The following MXI1 variants were observed in gnomAD, a reference collection of about 807,000 sequenced individuals.
MXI1 encodes MAX interactor 1, dimerization protein.
MXI1 carries 18 observed loss-of-function variants against 36.9 expected under a neutral mutation model. The ratio of observed to expected loss-of-function variants is 0.49; its 90% CI spans 0.34 to 0.72. MXI1 has a LOEUF of 0.72. Ranked by LOEUF, MXI1 falls within the 30% of genes least tolerant of loss-of-function variation. MXI1 has a pLI of 0.01. For missense variants in MXI1, 304 were observed against 379.1 expected (o/e 0.80, Z 1.64); for synonymous variants, 160 against 146.7 (o/e 1.09, Z -0.65).
At chr10:110,272,764 GATT>G (rs1435048910) in intron 3 of MXI1, among the ~76,000 whole-genome samples, 1 of 146,512 alleles carries the variant, frequency 6.8e-6, no homozygotes, top group Non-Finnish European at 1.5e-5. Flanking sequence ...ATTTCTATTT[GATT>G]ATTTTATAAG....
intron 2 of MXI1, among the ~76,000 whole-genome samples, chr10:110,238,135 C>T (rs1855537058): frequency 1.3e-5 from 2 of 152,148 alleles, no homozygotes; most frequent in Admixed American, 1.3e-4. Context: ...GTTTCAGGTT[C>T]CAGAGTTTTT....
intron 1 of MXI1, chr10:110,208,607 G>C (rs1345110409): frequency 6.6e-6 from 1 of 152,344 alleles, no homozygotes; most frequent in Non-Finnish European, 1.5e-5. Context: ...TCCACGGCGT[G>C]GGCTCGGCTC....
intron 3 of MXI1, among the ~76,000 whole-genome samples, chr10:110,273,336 C>A (rs1173286323): frequency 6.6e-6 from 1 of 152,088 alleles, no homozygotes; most frequent in Non-Finnish European, 1.5e-5. Flanking sequence ...CATGAGCCAC[C>A]GTGCCTGGCC....
chr10:110,272,064 T>C (rs1856872581), intron 3 of MXI1, among the ~76,000 whole-genome samples: 1 of 152,182 alleles, frequency 6.6e-6, no homozygotes, highest in African/African-American at 2.4e-5. Flanking sequence ...TCCATAGTGA[T>C]GTGTTGTGAT....
At chr10:110,227,329 C>A in intron 1 of MXI1, 2 of 952,200 alleles carry the variant, frequency 2.1e-6, no homozygotes, top group Non-Finnish European at 2.4e-6. Context: ...GGCGCGCGTG[C>A]GTGGGGAGGT....
intron 3 of MXI1, among the ~76,000 whole-genome samples, chr10:110,277,747 C>G (rs1356606456): frequency 6.6e-6 from 1 of 152,178 alleles, no homozygotes. Context: ...ACTGTCAGAC[C>G]TTTAACTATA....
chr10:110,282,833 A>T (rs35212840), intron 5 of MXI1, among the ~76,000 whole-genome samples: 20,696 of 152,000 alleles, frequency 0.14, 1,679 homozygotes, highest in South Asian at 0.19. Flanking sequence ...TTTTTAAAAA[A>T]TTTTTTTAAA....
chr10:110,282,169 T>G (rs1857273765), intron 5 of MXI1, among the ~76,000 whole-genome samples: 1 of 152,168 alleles, frequency 6.6e-6, no homozygotes, highest in African/African-American at 2.4e-5. Context: ...CAAGTTTTGG[T>G]TTTACTATTT....
intron 1 of MXI1, among the ~76,000 whole-genome samples, chr10:110,222,684 T>C (rs1159784250): frequency 2.0e-5 from 3 of 152,226 alleles, no homozygotes; most frequent in African/African-American, 7.2e-5. Context: ...CAGGTTCTTA[T>C]GTCAGTAGAC....
intron 1 of MXI1, chr10:110,226,183 G>A: frequency 1.4e-6 from 2 of 1,465,292 alleles, no homozygotes; most frequent in South Asian, 1.3e-5. Flanking sequence ...GGAGTGCGGA[G>A]AGGCGCCGGT....
chr10:110,283,720 CAT>C (rs1339426014), intron 5 of MXI1, among the ~76,000 whole-genome samples: 1 of 151,908 alleles, frequency 6.6e-6, no homozygotes, highest in East Asian at 1.9e-4. Context: ...TTGTTTTTAA[CAT>C]GTGTATTGAT....
chr10:110,250,237 T>TA (rs1856028301), intron 3 of MXI1, among the ~76,000 whole-genome samples: 1 of 152,166 alleles, frequency 6.6e-6, no homozygotes, highest in East Asian at 1.9e-4. Context: ...GAGCATTTGT[T>TA]ACCTATGTAC....
chr10:110,217,134 C>G (rs536628974), intron 1 of MXI1, among the ~76,000 whole-genome samples: 1 of 152,136 alleles, frequency 6.6e-6, no homozygotes, highest in South Asian at 2.1e-4. Flanking sequence ...ATTGTCCACA[C>G]CAGCATTCCT....
In MXI1 at chr10:110,231,975, G is replaced by GTT. The variant is rs199767400; in HGVS notation, c.407+3664_407+3665dup. Among the ~76,000 whole-genome samples, 108 of 147,340 alleles carry GTT rather than the reference G, an allele frequency of 7.3e-4. 1 individual carries two copies. Among genetic ancestry groups the GTT allele is most frequent in the East Asian group, 7.1e-3 (36 of 5,082 alleles). ...CCTACCTGGTGTCCCTGCAACTACA[G>GTT]TTTTTTTTTTTGTCTGGTTCTGTTG... On this transcript the variant is annotated intron_variant, in intron 2 of 5. Transcript: ENST00000332674.
rs182028327 is a variant in MXI1, at chr10:110,277,302, C to G, written c.438-1878C>G. ...GTTTTTTAGAAGACTGAATTTAAAG[C>G]AGGATTGTCTATTAGTGTAGCTGCC... On this transcript the variant is annotated intron_variant, in intron 3 of 5. Transcript: ENST00000332674. Among the ~76,000 whole-genome samples, 10 of 152,296 alleles carry G rather than the reference C, an allele frequency of 6.6e-5. No homozygotes were observed. In the East Asian group the frequency reaches 1.9e-3, roughly 29 times the overall value.
chr10:110,208,753 C>G (rs1309572672), intron 1 of MXI1, among the ~76,000 whole-genome samples: 1 of 145,358 alleles, frequency 6.9e-6, no homozygotes, highest in African/African-American at 2.6e-5. Context: ...CCCCCCCCCC[C>G]AAAGAAGGAG....
chr10:110,277,271 TG>T (rs1857068161), intron 3 of MXI1, among the ~76,000 whole-genome samples: 1 of 152,252 alleles, frequency 6.6e-6, no homozygotes, highest in Admixed American at 6.5e-5. Context: ...CTAGTTGCTT[TG>T]TTGAGTTTTT....
At chr10:110,282,695 G>A (rs1857298570) in intron 5 of MXI1, among the ~76,000 whole-genome samples, 2 of 151,868 alleles carry the variant, frequency 1.3e-5, no homozygotes, top group South Asian at 4.2e-4. Flanking sequence ...TACTTTAGCG[G>A]TACCTTACCA....
intron 1 of MXI1, among the ~76,000 whole-genome samples, chr10:110,210,878 G>T (rs1175919507): frequency 6.6e-6 from 1 of 152,220 alleles, no homozygotes; most frequent in African/African-American, 2.4e-5. Context: ...CTCGGCGCGC[G>T]CGGGGCTTGT....
Sources: allele counts gnomAD v4.1 joint callset (sites outside exome capture counted in the v4.1 genomes callset), GRCh38; gene constraint gnomAD v4.1.1; transcripts MANE v1.5; gene names NCBI Gene and HGNC (gene_info 2026-07-23, HGNC 2026-07-21).